TNPO3: variants seen among roughly 807,000 people sequenced by gnomAD.
TNPO3 encodes the protein transportin 3.
A neutral mutation model predicts 122.8 loss-of-function variants in TNPO3; 65 were observed. That is an observed-to-expected ratio of 0.53 (90% CI 0.43 to 0.65). The LOEUF (loss-of-function observed/expected upper bound fraction) is 0.65. Among genes scored for constraint, TNPO3 ranks in the 30% least tolerant of loss-of-function variants. The pLI is 0.00. For synonymous variants in TNPO3, 372 were observed against 411.2 expected (o/e 0.90, Z 1.15); for missense variants, 850 against 1,136.7 (o/e 0.75, Z 3.63).
In TNPO3 at chr7:128,997,199, A is replaced by G. The variant is rs139356301; in HGVS notation, c.1158+190T>C. ...TTTTTGTAGAGACAGGGGATTCCCTATGTTGCCCAGGCTGGTCTTGAATTC... is the reference window on the plus strand; with the variant it reads ...TTTTTGTAGAGACAGGGGATTCCCTGTGTTGCCCAGGCTGGTCTTGAATTC... On this transcript the variant is annotated intron_variant, in intron 8 of 22. Transcript: ENST00000265388. 3.7e-4 allele frequency among the ~76,000 whole-genome samples: 57 copies of G among 152,208 alleles called. No homozygotes were observed. The East Asian group carries it at 0.01, about 27-fold the overall frequency.
At chr7:128,985,581 G>A (rs1369925115) in intron 12 of TNPO3, among the ~76,000 whole-genome samples, 1 of 152,132 alleles carries the variant, frequency 6.6e-6, no homozygotes, top group South Asian at 2.1e-4. Context: ...GGCAACAAGC[G>A]AGACCCTGTC....
chr7:129,001,102 C>A lies in TNPO3; in HGVS notation c.829G>T (p.Glu277Ter). The change falls in exon 6 of 23, where the codon GAG becomes TAG. Residue 277 changes from glutamate to a stop codon, truncating the protein, a stop_gained. Transcript: ENST00000265388. LOFTEE classifies it high-confidence loss of function. Reference protein sequence around the residue: ...MQLFQGVLTLETAYHMAVARE... With the variant: ...MQLFQGVLTL ...GCCACGGCCATATGATAGGCAGTCT[C>A]CAATGTCAGCACTCCCTGAAAAAGT... The A allele has an allele frequency of 6.2e-7, 1 of 1,614,150 alleles. No homozygotes were observed.
intron 1 of TNPO3, among the ~76,000 whole-genome samples, chr7:129,046,665 A>G (rs1240378045): frequency 6.6e-6 from 1 of 152,190 alleles, no homozygotes; most frequent in African/African-American, 2.4e-5. Context: ...TCACACTGCT[A>G]ATAAAGACAT....
intron 11 of TNPO3, 32 bp downstream of exon 11, chr7:128,989,929 T>C: frequency 6.3e-7 from 1 of 1,598,710 alleles, no homozygotes; most frequent in Non-Finnish European, 8.6e-7. Flanking sequence ...AATGACAAGT[T>C]AGAAGTGGCA....
intron 1 of TNPO3, among the ~76,000 whole-genome samples, chr7:129,049,324 C>T (rs1808428050): frequency 6.6e-6 from 1 of 152,152 alleles, no homozygotes; most frequent in South Asian, 2.1e-4. Context: ...CCAGAAATTT[C>T]AGAAGATTGA....
rs577053935 is a variant in TNPO3, at chr7:129,007,744, C to T, written c.553-2585G>A. 1.1e-4 allele frequency among the ~76,000 whole-genome samples: 17 copies of T among 152,324 alleles called. 1 individual carries two copies. In the South Asian group the frequency reaches 2.7e-3, roughly 24 times the overall value. On this transcript the variant is annotated intron_variant, in intron 4 of 22. Transcript: ENST00000265388. Reference sequence around the variant, plus strand: ...AGCTAACTTGCAGAGAAATTAACCACGTAACTATGAGTATACACATAAGTT... The same window carrying T: ...AGCTAACTTGCAGAGAAATTAACCATGTAACTATGAGTATACACATAAGTT...
chr7:128,994,782 G>A (rs921457765), intron 8 of TNPO3, among the ~76,000 whole-genome samples: 2 of 151,936 alleles, frequency 1.3e-5, no homozygotes, highest in Non-Finnish European at 2.9e-5. Flanking sequence ...CCTCAGCCCC[G>A]GAGCAGCTGG....
At chr7:128,959,759 C>T (rs932751612) in intron 21 of TNPO3, among the ~76,000 whole-genome samples, 3 of 152,152 alleles carry the variant, frequency 2.0e-5, no homozygotes, top group East Asian at 3.9e-4. Flanking sequence ...CGGTGGCTCA[C>T]ACCTGTAATC....
intron 1 of TNPO3, among the ~76,000 whole-genome samples, chr7:129,038,401 C>A (rs1219580688): frequency 6.6e-6 from 1 of 152,108 alleles, no homozygotes; most frequent in Non-Finnish European, 1.5e-5. Context: ...ACTAGTTCAG[C>A]CATTGTGGAA....
chr7:129,026,414 T>G (rs1805178439), intron 1 of TNPO3, among the ~76,000 whole-genome samples: 1 of 149,498 alleles, frequency 6.7e-6, no homozygotes, highest in Admixed American at 6.7e-5. Flanking sequence ...TTTTTTTTTT[T>G]TTTTTGAGAG....
intron 14 of TNPO3, among the ~76,000 whole-genome samples, chr7:128,981,618 G>GT (rs1799633850): frequency 6.6e-6 from 1 of 152,002 alleles, no homozygotes; most frequent in Non-Finnish European, 1.5e-5. Context: ...AGCAATCTGT[G>GT]TTTTGATAAG....
chr7:128,996,471 C>CGGT (rs1250624257), intron 8 of TNPO3, among the ~76,000 whole-genome samples: 1 of 151,840 alleles, frequency 6.6e-6, no homozygotes. Flanking sequence ...TGGCCAGGGG[C>CGGT]GGTGGCTCAC....
chr7:128,984,943 A>C (rs1951318786), intron 12 of TNPO3, among the ~76,000 whole-genome samples: 1 of 152,190 alleles, frequency 6.6e-6, no homozygotes, highest in South Asian at 2.1e-4. Flanking sequence ...AGTTAGGTTC[A>C]AGTGGAGACA....
chr7:129,049,673 G>A (rs912802664), intron 1 of TNPO3, among the ~76,000 whole-genome samples: 71 of 152,014 alleles, frequency 4.7e-4, no homozygotes, highest in African/African-American at 1.6e-3. Flanking sequence ...TTTTAAAAAA[G>A]GCAAAAACAC....
intron 1 of TNPO3, among the ~76,000 whole-genome samples, chr7:129,020,136 C>T (rs771612116): frequency 3.3e-5 from 5 of 151,982 alleles, no homozygotes; most frequent in African/African-American, 9.7e-5. Context: ...CCACCCCTCC[C>T]GCCCCCCACC....
chr7:129,045,053 A>G lies in TNPO3; in HGVS notation c.120+9598T>C, dbSNP rs1220500269. ...AGGAATTTCTGACAATGCTACGCAC[A>G]TGGATGAACCCTGAAGATATTATGC... On this transcript the variant is annotated intron_variant, in intron 1 of 22. Transcript: ENST00000265388. Among the ~76,000 whole-genome samples, 5 of 152,348 alleles carry G rather than the reference A, an allele frequency of 3.3e-5. No homozygotes were observed. The South Asian group carries it at 8.3e-4, about 25-fold the overall frequency.
chr7:128,978,781 G>A (rs1484248223), intron 16 of TNPO3, among the ~76,000 whole-genome samples: 3 of 151,964 alleles, frequency 2.0e-5, no homozygotes, highest in African/African-American at 2.4e-5. Context: ...ATAGGTGCCC[G>A]CCACCATGCC....
rs1344658136 is a variant in TNPO3, at chr7:128,970,227, G to T, written c.2519C>A (p.Thr840Asn). 1.9e-6 allele frequency: 3 copies of T among 1,614,146 alleles called. No homozygotes were observed. Among genetic ancestry groups the T allele is most frequent in the Admixed American group, 3.3e-5 (2 of 60,022 alleles). Reference sequence around the variant, plus strand: ...ATAGGGGGGGAGGCAAAAGCAGCAGGTGTGCAGCAGCTGGCTGACAAGCTG... The same window carrying T: ...ATAGGGGGGGAGGCAAAAGCAGCAGTTGTGCAGCAGCTGGCTGACAAGCTG... ...GQQLVSQLLH[T>N]CCFCLPPYTL... The change falls in exon 20 of 23, where the codon ACC becomes AAC. Residue 840 changes from threonine (T) to asparagine (N), a missense_variant. Transcript: ENST00000265388.
intron 8 of TNPO3, among the ~76,000 whole-genome samples, chr7:128,996,742 CAAAAAAAA>C (rs10618550): frequency 1.4e-5 from 1 of 69,888 alleles, no homozygotes; most frequent in Non-Finnish European, 2.6e-5. Context: ...GACTCCGTCT[CAAAAAAAA>C]AAAAAAAAAA....
Sources: allele counts gnomAD v4.1 joint callset (sites outside exome capture counted in the v4.1 genomes callset), GRCh38; gene constraint gnomAD v4.1.1; transcripts MANE v1.5; gene names NCBI Gene and HGNC (gene_info 2026-07-23, HGNC 2026-07-21).